The following DPF3 variants were observed in gnomAD, a reference collection of about 807,000 sequenced individuals.
DPF3 encodes the protein double PHD fingers 3.
DPF3 carries 18 observed loss-of-function variants against 56.8 expected under a neutral mutation model. The ratio of observed to expected loss-of-function variants is 0.32; its 90% CI spans 0.22 to 0.47. DPF3 has a LOEUF of 0.47. Ranked by LOEUF, DPF3 falls within the 20% of genes least tolerant of loss-of-function variation. The probability of loss-of-function intolerance (pLI) is 1.00; values close to 1 mark genes in which losing one functional copy is unlikely to be tolerated. For synonymous variants in DPF3, 188 were observed against 180.2 expected (o/e 1.04, Z -0.35); for missense variants, 403 against 488.8 (o/e 0.82, Z 1.65).
At chr14:72,796,839 G>A (rs897196666) in intron 1 of DPF3, among the ~76,000 whole-genome samples, 2 of 152,126 alleles carry the variant, frequency 1.3e-5, no homozygotes, top group East Asian at 1.9e-4. Flanking sequence ...CACCGCAGAC[G>A]ATTTTATAAA....
At position 72,757,638 on chromosome 14, in the gene DPF3, A is replaced by T. The variant is rs888859711; in HGVS notation, c.194-4267T>A. Reference sequence around the variant, plus strand: ...AATACAACAATTTAAAATACAATTTAAAAAAATACAATATAATACCTATTT... The same window carrying T: ...AATACAACAATTTAAAATACAATTTTAAAAAATACAATATAATACCTATTT... On this transcript the variant is annotated intron_variant, in intron 2 of 10. Transcript: ENST00000556509. Among the ~76,000 whole-genome samples, 68 of 152,124 alleles carry T rather than the reference A, an allele frequency of 4.5e-4. 1 individual carries two copies. The highest frequency in any genetic ancestry group is 9.1e-4 in the Non-Finnish European group (62 of 68,002).
intron 5 of DPF3, among the ~76,000 whole-genome samples, chr14:72,720,980 A>G (rs1426058265): frequency 6.6e-6 from 1 of 152,230 alleles, no homozygotes; most frequent in East Asian, 1.9e-4. Context: ...ATAAAAATTA[A>G]GAATGAGATG....
chr14:72,709,586 C>G (rs576281309), intron 6 of DPF3, among the ~76,000 whole-genome samples: 5 of 152,100 alleles, frequency 3.3e-5, no homozygotes, highest in Non-Finnish European at 5.9e-5. Context: ...TTTTCCGCAG[C>G]CTTCAAGAGA....
intron 6 of DPF3, among the ~76,000 whole-genome samples, chr14:72,707,811 A>ATT (rs35089717): frequency 0.012 from 1,707 of 146,590 alleles, 33 homozygotes; most frequent in African/African-American, 0.034. Context: ...TTTTTCCTCT[A>ATT]TTTTTTTTTT....
intron 5 of DPF3, among the ~76,000 whole-genome samples, chr14:72,720,964 T>C (rs969714771): frequency 6.6e-6 from 1 of 152,202 alleles, no homozygotes; most frequent in Non-Finnish European, 1.5e-5. Flanking sequence ...AGTTTTATAA[T>C]TTAATATAAA....
chr14:72,752,361 T>C (rs1890615065), intron 3 of DPF3, among the ~76,000 whole-genome samples: 1 of 152,074 alleles, frequency 6.6e-6, no homozygotes, highest in Non-Finnish European at 1.5e-5. Flanking sequence ...TAGTCAGAAG[T>C]GTAATATTAG....
chr14:72,822,967 G>T (rs1207080104), intron 1 of DPF3, among the ~76,000 whole-genome samples: 1 of 152,214 alleles, frequency 6.6e-6, no homozygotes, highest in Non-Finnish European at 1.5e-5. Flanking sequence ...TTTCCCAGAA[G>T]CCCTCGCTCC....
Position 72,714,288 on chromosome 14 carries a change from A to G in DPF3, c.604+135T>C, listed in dbSNP as rs978578814. On this transcript the variant is annotated intron_variant, in intron 6 of 10. Coordinates refer to ENST00000556509, the MANE Select transcript of DPF3 (RefSeq NM_001280542.3). The stretch of plus-strand genomic sequence containing the variant: ...ACTGCGGTGGAGGCGGCAGGCGAGT[A>G]AGCTGGGGTGCAGACAGAGGAAGAG... 8 of 1,114,054 alleles carry G rather than the reference A, an allele frequency of 7.2e-6. No individual in the cohort carries two copies. In the African/African-American group the frequency reaches 1.2e-4, roughly 17 times the overall value. The allele number at this position is 1,114,054 out of a possible 1,614,324, so 69.0% of individuals were successfully genotyped here.
At chr14:72,645,444 C>G (rs1452643958) in intron 8 of DPF3, among the ~76,000 whole-genome samples, 7 of 152,062 alleles carry the variant, frequency 4.6e-5, no homozygotes, top group Admixed American at 2.0e-4. Context: ...ACCTGCCTCC[C>G]CCAGTAGCTG....
In DPF3 at chr14:72,867,074, T is replaced by C. The variant is rs771157055; in HGVS notation, c.32+26983A>G. ...CGGCTTTTATTTTTAATAAAATAAT[T>C]TTTATAGAGATGGGGTCTCACTGTG... On this transcript the variant is annotated intron_variant, in intron 1 of 10. Coordinates refer to ENST00000556509, the MANE Select transcript of DPF3 (RefSeq NM_001280542.3). Among the ~76,000 whole-genome samples, 59 of 151,940 alleles carry C rather than the reference T, an allele frequency of 3.9e-4. 5 individuals are homozygous for C. The highest frequency in any genetic ancestry group is 7.9e-4 in the Non-Finnish European group (54 of 67,980).
intron 1 of DPF3, among the ~76,000 whole-genome samples, chr14:72,813,459 C>T (rs1469126492): frequency 6.6e-6 from 1 of 152,204 alleles, no homozygotes; most frequent in Non-Finnish European, 1.5e-5. Context: ...ACTCTGACCA[C>T]GCAGCCAGTC....
chr14:72,718,581 C>A (rs565193854), intron 5 of DPF3, among the ~76,000 whole-genome samples: 2 of 152,054 alleles, frequency 1.3e-5, no homozygotes, highest in African/African-American at 4.8e-5. Context: ...TCTTGTAAAT[C>A]TTTTTTACTG....
chr14:72,723,736 GAAA>G lies in DPF3; in HGVS notation c.430-11_430-9del. On this transcript the variant is annotated splice_polypyrimidine_tract_variant and intron_variant, in intron 4 of 10. Transcript: ENST00000556509. ...ATCATTTTCCAAAACCCTCTGAAATGAAAAAAAAAAATAGAAAAGGTGAGAAAC... is the reference window on the plus strand; with the variant it reads ...ATCATTTTCCAAAACCCTCTGAAATGAAAAAAAATAGAAAAGGTGAGAAAC... 2.2e-6 allele frequency: 3 copies of G among 1,342,662 alleles called. No homozygotes were observed. The highest frequency in any genetic ancestry group is 3.0e-6 in the Non-Finnish European group (3 of 998,390). 83.2% of individuals were successfully genotyped at this position (1,342,662 alleles called of 1,614,324 possible). A position where few individuals can be genotyped will look rare whatever the true frequency, so the allele number is the denominator to read the frequency against.
In DPF3 at chr14:72,760,613, T is replaced by A. The variant is rs564951789; in HGVS notation, c.194-7242A>T. 2.0e-5 allele frequency among the ~76,000 whole-genome samples: 3 copies of A among 152,236 alleles called. No individual in the cohort carries two copies. The South Asian group carries it at 6.2e-4, about 32-fold the overall frequency. On this transcript the variant is annotated intron_variant, in intron 2 of 10. Coordinates refer to ENST00000556509, the MANE Select transcript of DPF3 (RefSeq NM_001280542.3). ...TAGACTCCTTATACTATTCATGAAA[T>A]AGAATAATATAATTTGAAAGTTAAC...
chr14:72,723,886 G>C (rs1020577293), intron 4 of DPF3, 158 bp from the exon 5 acceptor site: 1 of 666,608 alleles, frequency 1.5e-6, no homozygotes, highest in African/African-American at 1.9e-5. Flanking sequence ...AATGCTGTCT[G>C]GAGTTTGAAC....
intron 8 of DPF3, among the ~76,000 whole-genome samples, chr14:72,644,261 T>C (rs958425151): frequency 1.3e-5 from 2 of 152,138 alleles, no homozygotes; most frequent in African/African-American, 4.8e-5. Flanking sequence ...TCTGCATGCA[T>C]TTGCTTCCAA....
intron 1 of DPF3, among the ~76,000 whole-genome samples, chr14:72,843,922 T>C (rs1884651307): frequency 6.6e-6 from 1 of 152,210 alleles, no homozygotes. Context: ...ATTCCATCTC[T>C]ATCTATGAGG....
chr14:72,887,594 C>T (rs1325648952), intron 1 of DPF3, among the ~76,000 whole-genome samples: 2 of 152,220 alleles, frequency 1.3e-5, no homozygotes, highest in Non-Finnish European at 2.9e-5. Context: ...CCTCTCTGTC[C>T]TAATCCACCA....
At chr14:72,723,549 A>G in intron 5 of DPF3, 84 bp downstream of exon 5, 2 of 1,154,576 alleles carry the variant, frequency 1.7e-6, no homozygotes, top group Admixed American at 2.6e-5. Flanking sequence ...CATGATTTCC[A>G]TCTAGCTGCA....
Sources: gnomAD v4.1 joint callset for allele counts (sites outside exome capture counted in the v4.1 genomes callset) on GRCh38, gnomAD v4.1.1 for gene constraint, MANE v1.5 for transcripts, NCBI Gene and HGNC (gene_info 2026-07-23, HGNC 2026-07-21) for gene names.